ACOXL: variants seen among roughly 807,000 people sequenced by gnomAD.
The protein encoded by ACOXL is acyl-CoA oxidase like.
A neutral mutation model predicts 71.9 loss-of-function variants in ACOXL; 70 were observed. The observed-to-expected ratio is 0.97, with a 90% confidence interval of 0.80 to 1.19. The LOEUF is 1.19. Ranked by LOEUF, ACOXL falls within the 50% of genes most tolerant of loss-of-function variation. The pLI is 0.00. For missense variants in ACOXL, 703 were observed against 736.3 expected, an observed-to-expected ratio of 0.95 and a Z score of 0.52; for synonymous variants, 253 against 281.6, an observed-to-expected ratio of 0.90 and a Z score of 1.02.
At chr2:110,857,882 C>G (rs989550988) in intron 10 of ACOXL, among the ~76,000 whole-genome samples, 1 of 151,998 alleles carries the variant, frequency 6.6e-6, no homozygotes, top group Non-Finnish European at 1.5e-5. Context: ...TGTACCACCA[C>G]GCCCAGCTCA....
chr2:110,920,985 G>A (rs1447283709), intron 11 of ACOXL, among the ~76,000 whole-genome samples: 2 of 152,080 alleles, frequency 1.3e-5, no homozygotes, highest in African/African-American at 4.8e-5. Context: ...TTTAGTTCTA[G>A]GAGCTTTTGT....
rs970866375 is a variant in ACOXL, at chr2:110,781,164, T to G, written c.76-3568T>G. 2.6e-5 allele frequency among the ~76,000 whole-genome samples: 4 copies of G among 152,224 alleles called. No homozygotes were observed. The South Asian group carries it at 6.2e-4, about 24-fold the overall frequency. ...TTGATATGATGGTTACACAGGTAGATAATTGAACATAACTCATGCGCTTAA... is the reference window on the plus strand; with the variant it reads ...TTGATATGATGGTTACACAGGTAGAGAATTGAACATAACTCATGCGCTTAA... On this transcript the variant is annotated intron_variant, in intron 2 of 17. Coordinates refer to ENST00000439055, the MANE Select transcript of ACOXL (RefSeq NM_001142807.4).
chr2:110,857,914 C>T (rs1484907474), intron 10 of ACOXL, among the ~76,000 whole-genome samples: 1 of 152,078 alleles, frequency 6.6e-6, no homozygotes, highest in African/African-American at 2.4e-5. Flanking sequence ...TTTGTAGAGA[C>T]AGGATTTTGC....
At chr2:110,941,098 C>T (rs1407175547) in intron 12 of ACOXL, among the ~76,000 whole-genome samples, 1 of 152,182 alleles carries the variant, frequency 6.6e-6, no homozygotes, top group Non-Finnish European at 1.5e-5. Flanking sequence ...TTGGAATTTT[C>T]ATAATTCATA....
intron 10 of ACOXL, among the ~76,000 whole-genome samples, chr2:110,859,596 ACGGCAGC>A (rs1193856715): frequency 5.9e-5 from 9 of 152,160 alleles, no homozygotes; most frequent in African/African-American, 2.2e-4. Context: ...GCTGCTGTTG[ACGGCAGC>A]CGGCTGCATG....
intron 10 of ACOXL, among the ~76,000 whole-genome samples, chr2:110,906,383 CA>C: frequency 6.6e-6 from 1 of 151,490 alleles, no homozygotes; most frequent in Non-Finnish European, 1.5e-5. Flanking sequence ...ACCAAAAATG[CA>C]AAAAATTAGC....
chr2:111,117,481 C>A, intron 17 of ACOXL, 135 bp from the exon 18 acceptor site: 2 of 918,292 alleles, frequency 2.2e-6, no homozygotes, highest in Non-Finnish European at 3.4e-6. Flanking sequence ...CAACAGTTTC[C>A]ACAGGAGAAT....
At position 110,885,152 on chromosome 2, in the gene ACOXL, G is replaced by C. The variant is rs1697125295; in HGVS notation, c.789-23637G>C. 3.3e-5 allele frequency among the ~76,000 whole-genome samples: 5 copies of C among 152,164 alleles called. No homozygotes were observed. The South Asian group carries it at 1.0e-3, about 32-fold the overall frequency. ...TCTCCTTACCCAAAACAACATAGAA[G>C]CATGGCAAAGGAGATGGGAACATTT... On this transcript the variant is annotated intron_variant, in intron 10 of 17. Coordinates refer to ENST00000439055, the MANE Select transcript of ACOXL (RefSeq NM_001142807.4).
At chr2:111,063,744 A>G (rs2066924602) in intron 16 of ACOXL, among the ~76,000 whole-genome samples, 1 of 152,232 alleles carries the variant, frequency 6.6e-6, no homozygotes, top group African/African-American at 2.4e-5. Context: ...TACTATTTCT[A>G]TTCAATGTAG....
intron 1 of ACOXL, among the ~76,000 whole-genome samples, chr2:110,743,137 A>G (rs903587333): frequency 3.3e-5 from 5 of 152,208 alleles, no homozygotes; most frequent in African/African-American, 1.2e-4. Flanking sequence ...TGGACATTTC[A>G]TATAAAAGGT....
At chr2:110,867,000 C>T (rs1319768085) in intron 10 of ACOXL, among the ~76,000 whole-genome samples, 1 of 152,212 alleles carries the variant, frequency 6.6e-6, no homozygotes, top group East Asian at 1.9e-4. Context: ...CCTTGGGCTG[C>T]CTGATGCATC....
At chr2:110,905,267 A>C (rs908303939) in intron 10 of ACOXL, among the ~76,000 whole-genome samples, 1 of 152,130 alleles carries the variant, frequency 6.6e-6, no homozygotes, top group African/African-American at 2.4e-5. Flanking sequence ...CATGTGGCTG[A>C]GCCACCAAAA....
At chr2:110,877,715 G>A (rs941013835) in intron 10 of ACOXL, among the ~76,000 whole-genome samples, 15 of 152,280 alleles carry the variant, frequency 9.9e-5, no homozygotes, top group African/African-American at 2.9e-4. Context: ...GTGCATTACC[G>A]GAAACCCTGG....
At chr2:110,800,890 G>A (rs144745951) in intron 7 of ACOXL, among the ~76,000 whole-genome samples, 4 of 152,304 alleles carry the variant, frequency 2.6e-5, no homozygotes, top group South Asian at 2.1e-4. Context: ...CTGTGAAGTC[G>A]TGCCAGGCAT....
intron 10 of ACOXL, among the ~76,000 whole-genome samples, chr2:110,902,273 C>T (rs531320363): frequency 4.9e-4 from 75 of 152,226 alleles, no homozygotes; most frequent in Non-Finnish European, 1.0e-3. Context: ...AGTTTGAGAC[C>T]AGCCTGGACA....
intron 16 of ACOXL, among the ~76,000 whole-genome samples, chr2:111,060,871 C>G (rs919346316): frequency 1.3e-5 from 2 of 151,952 alleles, no homozygotes; most frequent in Non-Finnish European, 2.9e-5. Flanking sequence ...AATATAACAA[C>G]TGAAATAAGA....
Position 110,941,823 on chromosome 2 carries a change from A to G in ACOXL, c.1059+8181A>G, listed in dbSNP as rs1223736851. ...TTTATCATAAGAAATATTAAAGAAAATTCTTCAGGCAGAAGGAAAATGATA... is the reference window on the plus strand; with the variant it reads ...TTTATCATAAGAAATATTAAAGAAAGTTCTTCAGGCAGAAGGAAAATGATA... On this transcript the variant is annotated intron_variant, in intron 12 of 17. Transcript: ENST00000439055. Among the ~76,000 whole-genome samples the G allele has an allele frequency of 2.6e-5, 4 of 152,222 alleles. No homozygotes were observed. In the East Asian group the frequency reaches 7.7e-4, roughly 29 times the overall value.
intron 9 of ACOXL, among the ~76,000 whole-genome samples, chr2:110,836,779 G>A (rs1690518144): frequency 6.6e-6 from 1 of 152,230 alleles, no homozygotes; most frequent in African/African-American, 2.4e-5. Context: ...ACAAGTATGG[G>A]AAAGGGAGGG....
At chr2:110,967,190 A>T (rs2061971677) in intron 12 of ACOXL, among the ~76,000 whole-genome samples, 1 of 152,228 alleles carries the variant, frequency 6.6e-6, no homozygotes, top group Non-Finnish European at 1.5e-5. Context: ...GAAAAAATAT[A>T]AGCAAATAAA....
Sources: gnomAD v4.1 joint callset for allele counts (sites outside exome capture counted in the v4.1 genomes callset) on GRCh38, gnomAD v4.1.1 for gene constraint, MANE v1.5 for transcripts, NCBI Gene and HGNC (gene_info 2026-07-23, HGNC 2026-07-21) for gene names.